The following FAM20A variants were observed in gnomAD, a reference collection of about 807,000 sequenced individuals.
FAM20A encodes FAM20A golgi associated secretory pathway pseudokinase, also known as pseudokinase FAM20A.
FAM20A carries 42 observed loss-of-function variants against 52.0 expected under a neutral mutation model. That is an observed-to-expected ratio of 0.81 (90% CI 0.63 to 1.04). The LOEUF (loss-of-function observed/expected upper bound fraction) is 1.04. FAM20A is among the 50% of genes least tolerant of loss of function. The probability of loss-of-function intolerance (pLI) is 0.00; values close to 1 mark genes in which losing one functional copy is unlikely to be tolerated. For missense variants in FAM20A, 742 were observed against 712.7 expected, an observed-to-expected ratio of 1.04 and a Z score of -0.47; for synonymous variants, 304 against 298.9, an observed-to-expected ratio of 1.02 and a Z score of -0.18.
At position 68,554,810 on chromosome 17, in the gene FAM20A, T is replaced by C. The variant is rs764143415; in HGVS notation, c.607A>G (p.Lys203Glu). 1.5e-5 allele frequency: 25 copies of C among 1,614,162 alleles called. No homozygotes were observed. The East Asian group carries it at 5.3e-4, about 35-fold the overall frequency. The change falls in exon 3 of 11, where the codon AAA (lysine) becomes GAA (glutamate). Residue 203 changes from lysine (K) to glutamate (E), a missense_variant. Lys to Glu is a moderately conservative substitution (Grantham distance 56). Coordinates refer to ENST00000592554, the MANE Select transcript of FAM20A (RefSeq NM_017565.4). ...TISADYSQDE[K>E]ALLGACDCTQ... is the part of the protein sequence containing the mutation. ...CAGTCACATGCCCCCAGCAAGGCTTTCTCATCTTGACTGTAATCTGCAAAG... is the reference window on the plus strand; with the variant it reads ...CAGTCACATGCCCCCAGCAAGGCTTCCTCATCTTGACTGTAATCTGCAAAG...
At chr17:68,541,853 T>C (rs144286154) in intron 7 of FAM20A, 132 bp downstream of exon 7, 5 of 1,100,480 alleles carry the variant, frequency 4.5e-6, no homozygotes, top group Non-Finnish European at 6.6e-6. Context: ...GATCCCAGGA[T>C]CAATATGAAA....
chr17:68,536,506 CTT>C lies in FAM20A; in HGVS notation c.*969_*970del, dbSNP rs904043261. ...AGGGAGGCTTCAATAAAAAACCTGACTTAGTCTTTTTTGAGCCAGCCGTCACA... is the reference window on the plus strand; with the variant it reads ...AGGGAGGCTTCAATAAAAAACCTGACAGTCTTTTTTGAGCCAGCCGTCACA... On this transcript the variant is annotated 3_prime_UTR_variant, in exon 11 of 11. Coordinates refer to ENST00000592554, the MANE Select transcript of FAM20A (RefSeq NM_017565.4). 3 of 454,098 alleles carry C rather than the reference CTT, an allele frequency of 6.6e-6. No individual in the cohort carries two copies. The Admixed American group carries it at 7.0e-5, about 11-fold the overall frequency. 28.1% of individuals were successfully genotyped at this position (454,098 alleles called of 1,614,324 possible). A position where few individuals can be genotyped will look rare whatever the true frequency, so the allele number is the denominator to read the frequency against.
chr17:68,550,735 G>A (rs1014157115), intron 4 of FAM20A, among the ~76,000 whole-genome samples: 3 of 152,088 alleles, frequency 2.0e-5, no homozygotes, highest in African/African-American at 7.2e-5. Context: ...TTGGGATCAC[G>A]GGGAGAGCCC....
Position 68,596,066 on chromosome 17 carries a change from C to G in FAM20A, c.404+4197G>C, listed in dbSNP as rs192982645. Among the ~76,000 whole-genome samples, 18 of 152,246 alleles carry G rather than the reference C, an allele frequency of 1.2e-4. No individual in the cohort carries two copies. The East Asian group carries it at 3.5e-3, about 29-fold the overall frequency. ...CTTCAGCCAACTTACTCCCTTTGAC[C>G]AACTGTCATTTTTGAAAAGCTGCCC... On this transcript the variant is annotated intron_variant, in intron 1 of 10. Transcript: ENST00000592554.
At chr17:68,553,822 A>G (rs1157503197) in intron 3 of FAM20A, among the ~76,000 whole-genome samples, 1 of 149,648 alleles carries the variant, frequency 6.7e-6, no homozygotes, top group Non-Finnish European at 1.5e-5. Context: ...ACACACATTT[A>G]TGCATATATA....
Position 68,600,793 on chromosome 17 carries a change from A to G in FAM20A, c.-127T>C. The G allele has an allele frequency of 9.5e-7, 1 of 1,053,764 alleles. No homozygotes were observed. The highest frequency in any genetic ancestry group is 1.3e-6 in the Non-Finnish European group (1 of 751,270). 65.3% of individuals were successfully genotyped at this position (1,053,764 alleles called of 1,614,324 possible). ...GTGGGCCGGGGTCAGTGAGACCGGA[A>G]TGCTCCCCGCGCGGGCTAGTCCCCT... On this transcript the variant is annotated 5_prime_UTR_variant, in exon 1 of 11. Transcript: ENST00000592554. This position sits in a 1 kb window ranked among gnomAD's most constrained non-coding sequence, Gnocchi z 6.2.
At chr17:68,551,506 T>C (rs1273179620) in intron 4 of FAM20A, among the ~76,000 whole-genome samples, 1 of 152,076 alleles carries the variant, frequency 6.6e-6, no homozygotes, top group Non-Finnish European at 1.5e-5. Flanking sequence ...CTGGGTCTGC[T>C]GTTTGCAGCT....
At chr17:68,547,162 G>C (rs2143587771) in intron 4 of FAM20A, among the ~76,000 whole-genome samples, 1 of 152,234 alleles carries the variant, frequency 6.6e-6, no homozygotes, top group Non-Finnish European at 1.5e-5. Context: ...ACTCTTGAGG[G>C]CCTGAGGATG....
rs59754370 is a variant in FAM20A at position 68,569,253 on chromosome 17, C to T, written c.405-13510G>A. Among the ~76,000 whole-genome samples the T allele has an allele frequency of 9.9e-3, 1,511 of 152,222 alleles. 34 individuals are homozygous for T. Among genetic ancestry groups the T allele is most frequent in the African/African-American group, 0.035 (1,439 of 41,528 alleles). On this transcript the variant is annotated intron_variant, in intron 1 of 10. Transcript: ENST00000592554. ...CTCTCCCTTCCCAAAATGTCCCCTG[C>T]ATCACCGAATTGTGTAGATGTTACC...
intron 1 of FAM20A, among the ~76,000 whole-genome samples, chr17:68,569,887 T>A (rs1227404672): frequency 6.6e-6 from 1 of 152,176 alleles, no homozygotes; most frequent in Non-Finnish European, 1.5e-5. Context: ...TGCATTGGCC[T>A]CCGGAGAGGT....
chr17:68,562,363 GTCTTTT>G (rs554450108), intron 1 of FAM20A, among the ~76,000 whole-genome samples: 22 of 152,288 alleles, frequency 1.4e-4, no homozygotes, highest in Admixed American at 5.9e-4. Context: ...TGTAGAGTGG[GTCTTTT>G]TCTTTTTGCT....
chr17:68,578,071 C>T (rs918922522), intron 1 of FAM20A, among the ~76,000 whole-genome samples: 3 of 152,136 alleles, frequency 2.0e-5, no homozygotes, highest in Non-Finnish European at 4.4e-5. Context: ...TCCTCTCTTT[C>T]CTCTACCATT....
intron 8 of FAM20A, 66 bp from the exon 9 acceptor site, chr17:68,540,032 T>A: frequency 7.1e-7 from 1 of 1,414,018 alleles, no homozygotes; most frequent in Non-Finnish European, 1.0e-6. Context: ...CTGACCTGAG[T>A]TCTCTCCAGG....
chr17:68,586,247 T>C lies in FAM20A; in HGVS notation c.404+14016A>G, dbSNP rs78294845. On this transcript the variant is annotated intron_variant, in intron 1 of 10. Coordinates refer to ENST00000592554, the MANE Select transcript of FAM20A (RefSeq NM_017565.4). Reference sequence around the variant, plus strand: ...AAAGATTAACTCTTGGATAAAGATATAGGTATAGATAATCTACTAGATAAT... The same window carrying C: ...AAAGATTAACTCTTGGATAAAGATACAGGTATAGATAATCTACTAGATAAT... Among the ~76,000 whole-genome samples the C allele has an allele frequency of 6.2e-3, 943 of 152,330 alleles. 6 individuals carry two copies. Among genetic ancestry groups the C allele is most frequent in the African/African-American group, 0.021 (882 of 41,570 alleles).
chr17:68,598,881 A>T (rs1311805485), intron 1 of FAM20A, among the ~76,000 whole-genome samples: 2 of 152,170 alleles, frequency 1.3e-5, no homozygotes, highest in Non-Finnish European at 2.9e-5. Context: ...TAAGGGCAAA[A>T]TTTCCTGGTT....
intron 4 of FAM20A, among the ~76,000 whole-genome samples, chr17:68,545,963 A>G (rs1394141672): frequency 3.3e-5 from 5 of 152,100 alleles, no homozygotes; most frequent in Admixed American, 2.0e-4. Context: ...AGGTCAGGTG[A>G]TTGAGACCAT....
chr17:68,600,917 G>A lies in FAM20A; in HGVS notation c.-251C>T, dbSNP rs1475264832. 1.0e-4 allele frequency: 47 copies of A among 464,520 alleles called. No individual in the cohort carries two copies. Among genetic ancestry groups the A allele is most frequent in the Non-Finnish European group, 1.4e-4 (37 of 267,164 alleles). 28.8% of individuals were successfully genotyped at this position (464,520 alleles called of 1,614,324 possible). On this transcript the variant is annotated 5_prime_UTR_variant, in exon 1 of 11. Coordinates refer to ENST00000592554, the MANE Select transcript of FAM20A (RefSeq NM_017565.4). The surrounding 1 kb of genome is among the most constrained non-coding windows in gnomAD (Gnocchi z 6.2). Reference sequence around the variant, plus strand: ...GCTTCTCCGCGCCGAGTGAGCCGAGGGAATGGGGTTCCCGGGGTGCCCGCT... The same window carrying A: ...GCTTCTCCGCGCCGAGTGAGCCGAGAGAATGGGGTTCCCGGGGTGCCCGCT...
intron 1 of FAM20A, among the ~76,000 whole-genome samples, chr17:68,585,030 T>C (rs775032144): frequency 1.2e-4 from 19 of 152,228 alleles, no homozygotes; most frequent in Non-Finnish European, 1.5e-5. Context: ...TACAGTCTCT[T>C]GGAGTATTTT....
intron 4 of FAM20A, among the ~76,000 whole-genome samples, chr17:68,545,895 T>C (rs549283166): frequency 1.4e-4 from 21 of 152,258 alleles, no homozygotes; most frequent in African/African-American, 4.8e-4. Flanking sequence ...ATTGGTCGGG[T>C]GCGGTGGCTC....
Sources: allele counts gnomAD v4.1 joint callset (sites outside exome capture counted in the v4.1 genomes callset), GRCh38; gene constraint gnomAD v4.1.1; non-coding constraint Gnocchi (gnomAD v3.1); transcripts MANE v1.5; gene names NCBI Gene and HGNC (gene_info 2026-07-23, HGNC 2026-07-21).